The following MRTFB variants were observed in gnomAD, a reference collection of about 807,000 sequenced individuals.
MRTFB encodes myocardin related transcription factor B.
A neutral mutation model predicts 104.2 loss-of-function variants in MRTFB; 29 were observed. The ratio of observed to expected loss-of-function variants is 0.28; its 90% CI spans 0.21 to 0.38. MRTFB has a LOEUF of 0.38. MRTFB is among the 10% of genes least tolerant of loss of function. The pLI, the probability that MRTFB is intolerant of heterozygous loss-of-function variation, is 1.00. For synonymous variants in MRTFB, 535 were observed against 519.5 expected, an observed-to-expected ratio of 1.03 and a Z score of -0.41; for missense variants, 1,270 against 1,341.6, an observed-to-expected ratio of 0.95 and a Z score of 0.83.
chr16:14,046,918 C>T, the MRTFB span, among the ~76,000 whole-genome samples: 4 of 152,210 alleles, frequency 2.6e-5, no homozygotes, highest in South Asian at 8.3e-4. Flanking sequence ...CTCATTTAAT[C>T]CTTACAATCT....
chr16:14,171,548 CTG>C (rs2039423186), intron 3 of MRTFB, among the ~76,000 whole-genome samples: 3 of 151,950 alleles, frequency 2.0e-5, no homozygotes, highest in Non-Finnish European at 4.4e-5. Context: ...GGCACTATCA[CTG>C]TATATATTAA....
chr16:14,043,942 T>C, the MRTFB span, among the ~76,000 whole-genome samples: 18 of 152,324 alleles, frequency 1.2e-4, no homozygotes, highest in South Asian at 6.2e-4. Flanking sequence ...GAGCACTCAG[T>C]AGTGACTAAA....
the MRTFB span, among the ~76,000 whole-genome samples, chr16:14,036,529 G>T: frequency 3.4e-5 from 5 of 145,352 alleles, no homozygotes; most frequent in Admixed American, 2.8e-4. Flanking sequence ...TATATATGTT[G>T]AAATTATACA....
intron 2 of MRTFB, among the ~76,000 whole-genome samples, chr16:14,128,489 C>G (rs945749264): frequency 2.0e-5 from 3 of 152,180 alleles, no homozygotes; most frequent in African/African-American, 7.2e-5. Context: ...AATGCCTTCA[C>G]CTACTGCGGC....
intron 3 of MRTFB, among the ~76,000 whole-genome samples, chr16:14,150,360 G>T (rs2038550958): frequency 6.6e-6 from 1 of 152,150 alleles, no homozygotes; most frequent in Admixed American, 6.5e-5. Flanking sequence ...ACAATGTAGG[G>T]GTTGGAGCAC....
chr16:14,140,786 C>G, intron 3 of MRTFB, 26 bp downstream of exon 3: 1 of 1,613,268 alleles, frequency 6.2e-7, no homozygotes, highest in Non-Finnish European at 8.5e-7. Flanking sequence ...GCAATGGGAT[C>G]TTTGATTTAA....
chr16:14,098,075 A>C (rs2035492017), intron 2 of MRTFB, among the ~76,000 whole-genome samples: 2 of 152,216 alleles, frequency 1.3e-5, no homozygotes, highest in Non-Finnish European at 2.9e-5. Flanking sequence ...TTTATATGCA[A>C]GTCTTCGTAT....
intron 2 of MRTFB, among the ~76,000 whole-genome samples, chr16:14,092,241 T>G (rs7191405): frequency 0.12 from 18,383 of 152,126 alleles, 2,485 homozygotes; most frequent in African/African-American, 0.33. Flanking sequence ...GGACTATTTT[T>G]TTTTGCTGCG....
intron 2 of MRTFB, among the ~76,000 whole-genome samples, chr16:14,117,020 G>T (rs1366802428): frequency 6.6e-6 from 1 of 152,160 alleles, no homozygotes; most frequent in Non-Finnish European, 1.5e-5. Flanking sequence ...CAGCTCTCTC[G>T]GGACATGGCA....
At position 14,092,038 on chromosome 16, in the gene MRTFB, A is replaced by G. The variant is rs1027653616; in HGVS notation, c.-64+12684A>G. Among the ~76,000 whole-genome samples, 26 of 147,734 alleles carry G rather than the reference A, an allele frequency of 1.8e-4. No individual in the cohort carries two copies. The East Asian group carries it at 3.2e-3, about 18-fold the overall frequency. On this transcript the variant is annotated intron_variant, in intron 2 of 16. Coordinates refer to ENST00000571589, the MANE Select transcript of MRTFB (RefSeq NM_001308142.2). Reference sequence around the variant, plus strand: ...AAAAAAAAAGAATGCCTCCCAAGTTAGTGGCTTTGGTAACCTATGATGGCA... The same window carrying G: ...AAAAAAAAAGAATGCCTCCCAAGTTGGTGGCTTTGGTAACCTATGATGGCA...
Position 14,233,768 on chromosome 16 carries a change from T to TGA in MRTFB, c.694-375_694-374dup, listed in dbSNP as rs2042370840. On this transcript the variant is annotated intron_variant, in intron 8 of 16. Transcript: ENST00000571589. ...TCACCCCACTGCATTCCAGCCTGAG[T>TGA]GAGACTCCCTCTCAAAAAAAAAAAA... Among the ~76,000 whole-genome samples the TGA allele has an allele frequency of 4.0e-5, 5 of 126,452 alleles. No homozygotes were observed. The South Asian group carries it at 1.2e-3, about 30-fold the overall frequency. 83.0% of individuals were successfully genotyped at this position (126,452 alleles called of 152,430 possible).
chr16:14,147,759 A>C (rs990099201), intron 3 of MRTFB, among the ~76,000 whole-genome samples: 1 of 152,178 alleles, frequency 6.6e-6, no homozygotes, highest in Non-Finnish European at 1.5e-5. Flanking sequence ...CATGGACCCC[A>C]TTACAGCACC....
At chr16:14,193,512 T>G (rs995058644) in intron 3 of MRTFB, among the ~76,000 whole-genome samples, 3 of 152,162 alleles carry the variant, frequency 2.0e-5, no homozygotes, top group Non-Finnish European at 4.4e-5. Flanking sequence ...CACTGCTCCC[T>G]CCTCAAACTG....
At chr16:14,253,937 A>G (rs144746655) in intron 15 of MRTFB, among the ~76,000 whole-genome samples, 6 of 152,214 alleles carry the variant, frequency 3.9e-5, no homozygotes, top group South Asian at 2.1e-4. Flanking sequence ...AGTGACATCT[A>G]TTCTCTTCAC....
At chr16:14,206,256 G>C (rs547924492) in intron 3 of MRTFB, among the ~76,000 whole-genome samples, 2 of 152,110 alleles carry the variant, frequency 1.3e-5, no homozygotes, top group African/African-American at 4.8e-5. Context: ...TTCCTCAGTC[G>C]TGGATAAGCA....
intron 8 of MRTFB, among the ~76,000 whole-genome samples, chr16:14,223,958 A>G (rs74663444): frequency 0.034 from 5,178 of 152,312 alleles, 139 homozygotes; most frequent in Non-Finnish European, 0.05. Flanking sequence ...TAGGCAATTT[A>G]TGAAAAGAGG....
At position 14,242,732 on chromosome 16, in the gene MRTFB, A is replaced by C. The variant is rs114930686; in HGVS notation, c.1079+2248A>C. On this transcript the variant is annotated intron_variant, in intron 10 of 16. Transcript: ENST00000571589. ...CTCTCATCTGCCGATCACATTCGTT[A>C]GCAACCTCTCTCTTTTTTCTCCCCT... 2.5e-3 allele frequency among the ~76,000 whole-genome samples: 382 copies of C among 152,346 alleles called. 1 individual carries two copies. The highest frequency in any genetic ancestry group is 8.8e-3 in the African/African-American group (364 of 41,574).
At chr16:14,246,258 C>T (rs539613939) in intron 11 of MRTFB, among the ~76,000 whole-genome samples, 56 of 152,314 alleles carry the variant, frequency 3.7e-4, no homozygotes, top group African/African-American at 1.2e-3. Context: ...CGGAATTACC[C>T]TCTAAAAACC....
chr16:14,089,347 T>C (rs1213509282), intron 2 of MRTFB, among the ~76,000 whole-genome samples: 1 of 152,206 alleles, frequency 6.6e-6, no homozygotes, highest in Admixed American at 6.5e-5. Flanking sequence ...ACTCATCTAC[T>C]TTCTATCTCT....
Sources: allele counts gnomAD v4.1 joint callset (sites outside exome capture counted in the v4.1 genomes callset), GRCh38; gene constraint gnomAD v4.1.1; transcripts MANE v1.5; gene names NCBI Gene and HGNC (gene_info 2026-07-23, HGNC 2026-07-21).